The following C1orf105 variants were observed in gnomAD, a reference collection of about 807,000 sequenced individuals.
C1orf105 encodes chromosome 1 open reading frame 105.
C1orf105 carries 17 observed loss-of-function variants against 20.8 expected under a neutral mutation model. The observed-to-expected ratio is 0.82, with a 90% CI of 0.56 to 1.23. C1orf105 has a LOEUF of 1.23. C1orf105 is among the 50% of genes most tolerant of loss of function. C1orf105 has a pLI of 0.00. For missense variants in C1orf105, 219 were observed against 213.5 expected, an observed-to-expected ratio of 1.03 and a Z score of -0.16; for synonymous variants, 72 against 72.1, an observed-to-expected ratio of 1.00 and a Z score of 0.01.
At chr1:172,422,572 G>A (rs1270428823) in intron 1 of C1orf105, among the ~76,000 whole-genome samples, 4 of 151,850 alleles carry the variant, frequency 2.6e-5, no homozygotes, top group African/African-American at 4.8e-5. Flanking sequence ...TGGTGGCTAC[G>A]AGGAGAGACC....
chr1:172,430,869 AT>A (rs35527973), intron 1 of C1orf105, among the ~76,000 whole-genome samples: 66,654 of 152,062 alleles, frequency 0.44, 17,529 homozygotes, highest in East Asian at 0.63. Flanking sequence ...TTATGACAAT[AT>A]TTCAAACTTT....
At chr1:172,430,935 C>G (rs2149160860) in intron 1 of C1orf105, 1 of 423,156 alleles carries the variant, frequency 2.4e-6, no homozygotes, top group Non-Finnish European at 4.2e-6. Context: ...GTTACCATTG[C>G]AATTGTTTTG....
At position 172,465,392 on chromosome 1, in the gene C1orf105, G is replaced by A. The variant is rs767595312; in HGVS notation, c.406+29G>A. 2.6e-5 allele frequency: 39 copies of A among 1,499,744 alleles called. No individual in the cohort carries two copies. In the Middle Eastern group the frequency reaches 5.1e-4, roughly 20 times the overall value. 92.9% of individuals were successfully genotyped at this position (1,499,744 alleles called of 1,614,324 possible). A position where few individuals can be genotyped will look rare whatever the true frequency, so the allele number is the denominator to read the frequency against. ...TGCTTTCTTTTAGAGTACTTATAGT[G>A]TGAAACACACTAGAAAAAAATGCCA... is the stretch of plus-strand genomic sequence containing the variant. On this transcript the variant is annotated intron_variant, in intron 6 of 6. Transcript: ENST00000367727.
At chr1:172,445,199 T>A (rs1647849803) in intron 2 of C1orf105, 41 bp downstream of exon 2, 2 of 1,481,710 alleles carry the variant, frequency 1.3e-6, no homozygotes, top group Non-Finnish European at 1.9e-6. Flanking sequence ...TTACGAAACA[T>A]CTCACAGAAG....
intron 1 of C1orf105, chr1:172,430,412 T>G: frequency 3.2e-6 from 2 of 624,870 alleles, no homozygotes; most frequent in Non-Finnish European, 5.8e-6. Context: ...GAACGTTTAA[T>G]GAATTTTTAA....
chr1:172,443,765 G>T (rs1468744043), intron 1 of C1orf105: 2 of 179,468 alleles, frequency 1.1e-5, no homozygotes, highest in African/African-American at 4.8e-5. Flanking sequence ...TGGAGGGTCT[G>T]CGACGCCCAA....
At chr1:172,455,992 CAT>C (rs1649192562) in intron 3 of C1orf105, among the ~76,000 whole-genome samples, 1 of 152,108 alleles carries the variant, frequency 6.6e-6, no homozygotes, top group African/African-American at 2.4e-5. Context: ...TTTCTTAGGC[CAT>C]CAGAGATCCT....
At chr1:172,448,383 G>A in intron 2 of C1orf105, 58 bp from the exon 3 acceptor site, 3 of 1,168,436 alleles carry the variant, frequency 2.6e-6, no homozygotes, top group Non-Finnish European at 3.8e-6. Context: ...ACAACCAAGG[G>A]CCTGGCTCTT....
intron 3 of C1orf105, among the ~76,000 whole-genome samples, chr1:172,450,386 G>A (rs970631564): frequency 5.9e-5 from 9 of 152,212 alleles, no homozygotes; most frequent in Non-Finnish European, 1.3e-4. Flanking sequence ...CCGTCACACA[G>A]ACGTCCTCAA....
chr1:172,446,606 C>T (rs1300938247), intron 2 of C1orf105, among the ~76,000 whole-genome samples: 1 of 152,228 alleles, frequency 6.6e-6, no homozygotes, highest in East Asian at 1.9e-4. Flanking sequence ...TACCCCCATG[C>T]CCATTAGACC....
chr1:172,459,345 TA>T (rs1649529041), intron 4 of C1orf105, among the ~76,000 whole-genome samples: 1 of 151,922 alleles, frequency 6.6e-6, no homozygotes, highest in African/African-American at 2.4e-5. Flanking sequence ...AACTCAACAA[TA>T]AAAAGGCAAA....
chr1:172,452,315 A>T lies in C1orf105; in HGVS notation c.198+3784A>T, dbSNP rs74976449. 9.8e-5 allele frequency among the ~76,000 whole-genome samples: 15 copies of T among 152,298 alleles called. No individual in the cohort carries two copies. In the East Asian group the frequency reaches 2.9e-3, roughly 29 times the overall value. On this transcript the variant is annotated intron_variant, in intron 3 of 6. Coordinates refer to ENST00000367727, the MANE Select transcript of C1orf105 (RefSeq NM_139240.4). Reference sequence around the variant, plus strand: ...TGGGTCACAGCTTTCTCCTGGGTAAATTGAAAGATTTGAACCAAGTGTCCT... The same window carrying T: ...TGGGTCACAGCTTTCTCCTGGGTAATTTGAAAGATTTGAACCAAGTGTCCT...
At chr1:172,433,266 C>A (rs1036268728) in intron 1 of C1orf105, among the ~76,000 whole-genome samples, 1 of 152,122 alleles carries the variant, frequency 6.6e-6, no homozygotes, top group Admixed American at 6.6e-5. Flanking sequence ...CACAAAGATA[C>A]CCCTTGAGAA....
In C1orf105 at chr1:172,447,854, A is replaced by G. The variant is rs1443519781; in HGVS notation, c.108-587A>G. Among the ~76,000 whole-genome samples, 49 of 152,258 alleles carry G rather than the reference A, an allele frequency of 3.2e-4. 1 individual carries two copies. The highest frequency in any genetic ancestry group is 3.2e-3 in the Admixed American group (49 of 15,288). On this transcript the variant is annotated intron_variant, in intron 2 of 6. Coordinates refer to ENST00000367727, the MANE Select transcript of C1orf105 (RefSeq NM_139240.4). ...AGGCCCCTGCAGGCCTTGGCCCCTTACACTGTAATGAAATGAACCACAGTG... is the reference window on the plus strand; with the variant it reads ...AGGCCCCTGCAGGCCTTGGCCCCTTGCACTGTAATGAAATGAACCACAGTG...
chr1:172,465,453 A>T (rs1558146870), intron 6 of C1orf105, 90 bp downstream of exon 6: 1 of 986,188 alleles, frequency 1.0e-6, no homozygotes, highest in Non-Finnish European at 1.6e-6. Context: ...TAATTTCTAA[A>T]TTTCCTGAGC....
At chr1:172,460,949 T>C (rs1160422124) in intron 4 of C1orf105, among the ~76,000 whole-genome samples, 1 of 152,212 alleles carries the variant, frequency 6.6e-6, no homozygotes, top group Non-Finnish European at 1.5e-5. Context: ...ACAATAGCGC[T>C]AGCTGGATTT....
At chr1:172,443,918 T>G in intron 1 of C1orf105, 1 of 978,508 alleles carries the variant, frequency 1.0e-6, no homozygotes, top group Non-Finnish European at 1.2e-6. Flanking sequence ...TCACTCAGCC[T>G]TGGGTCTGCG....
At chr1:172,464,656 T>G (rs1052009727) in intron 5 of C1orf105, among the ~76,000 whole-genome samples, 17 of 152,114 alleles carry the variant, frequency 1.1e-4, no homozygotes, top group African/African-American at 3.4e-4. Context: ...TTTTTTTTTT[T>G]TTCTGGAAAT....
chr1:172,440,607 T>C (rs1470322840), intron 1 of C1orf105, among the ~76,000 whole-genome samples: 1 of 152,104 alleles, frequency 6.6e-6, no homozygotes, highest in Admixed American at 6.5e-5. Context: ...AGCCCTCAAA[T>C]TGCTACTCAA....
Sources: allele counts gnomAD v4.1 joint callset (sites outside exome capture counted in the v4.1 genomes callset), GRCh38; gene constraint gnomAD v4.1.1; transcripts MANE v1.5; gene names NCBI Gene and HGNC (gene_info 2026-07-23, HGNC 2026-07-21).